The following CHMP5 variants were observed in gnomAD, a reference collection of about 807,000 sequenced individuals.
CHMP5 encodes charged multivesicular body protein 5, also known as SNF7 domain containing 2.
CHMP5 carries 17 observed loss-of-function variants against 33.0 expected under a neutral mutation model. The ratio of observed to expected loss-of-function variants is 0.52; its 90% CI spans 0.35 to 0.77. The LOEUF (loss-of-function observed/expected upper bound fraction) is 0.77. Ranked by LOEUF, CHMP5 falls within the 30% of genes least tolerant of loss-of-function variation. CHMP5 has a pLI of 0.01. For synonymous variants in CHMP5, 76 were observed against 90.2 expected, an observed-to-expected ratio of 0.84 and a Z score of 0.89; for missense variants, 216 against 261.5, an observed-to-expected ratio of 0.83 and a Z score of 1.20.
intron 5 of CHMP5, among the ~76,000 whole-genome samples, chr9:33,275,870 C>T (rs927273078): frequency 3.9e-5 from 6 of 152,184 alleles, no homozygotes; most frequent in East Asian, 3.9e-4. Flanking sequence ...ATTAGCTAGG[C>T]GTGGTGGTGC....
At chr9:33,268,267 A>C (rs1215174686) in intron 3 of CHMP5, among the ~76,000 whole-genome samples, 2 of 152,232 alleles carry the variant, frequency 1.3e-5, no homozygotes, top group Non-Finnish European at 2.9e-5. Context: ...GACTGACCAG[A>C]TCTGTAGGGT....
intron 1 of CHMP5, among the ~76,000 whole-genome samples, chr9:33,265,454 C>T (rs142016213): frequency 1.3e-5 from 2 of 152,284 alleles, no homozygotes; most frequent in Non-Finnish European, 2.9e-5. Flanking sequence ...GGCCCATACA[C>T]CCTTCCCACC....
chr9:33,277,892 A>G (rs1820874361), intron 6 of CHMP5: 1 of 406,510 alleles, frequency 2.5e-6, no homozygotes, highest in Non-Finnish European at 4.5e-6. Context: ...ATTGCCCCTG[A>G]TAAGTCTCTA....
At chr9:33,268,021 A>G (rs1820747916) in intron 3 of CHMP5, 122 bp downstream of exon 3, 1 of 705,442 alleles carries the variant, frequency 1.4e-6, no homozygotes, top group East Asian at 2.7e-5. Flanking sequence ...ATTTTCATTG[A>G]CGTGTAATTA....
At chr9:33,278,343 C>T in intron 7 of CHMP5, 118 bp downstream of exon 7, 1 of 656,520 alleles carries the variant, frequency 1.5e-6, no homozygotes, top group South Asian at 1.9e-5. Flanking sequence ...CAGTCCTGGT[C>T]ATTATTTTGT....
intron 4 of CHMP5, 148 bp from the exon 5 acceptor site, chr9:33,271,004 C>A: frequency 1.5e-6 from 1 of 659,328 alleles, no homozygotes; most frequent in Non-Finnish European, 2.6e-6. Flanking sequence ...ATCACTTGAA[C>A]CCAGGAGGCG....
intron 3 of CHMP5, 107 bp downstream of exon 3, chr9:33,268,006 T>C (rs1276423523): frequency 7.8e-6 from 6 of 772,324 alleles, no homozygotes; most frequent in East Asian, 5.2e-5. Flanking sequence ...TTGATTTAAT[T>C]ACAAATTTTC....
chr9:33,269,974 C>CA lies in CHMP5; in HGVS notation c.222-640dup, dbSNP rs1287929290. 1.7e-4 allele frequency among the ~76,000 whole-genome samples: 25 copies of CA among 149,830 alleles called. 1 individual carries two copies. The South Asian group carries it at 2.7e-3, about 16-fold the overall frequency. Reference sequence around the variant, plus strand: ...GGGCAACAAAAGTGAAACTCTGTCTCAAAAAAAAAGATATGCAGCAACACA... The same window carrying CA: ...GGGCAACAAAAGTGAAACTCTGTCTCAAAAAAAAAAGATATGCAGCAACACA... On this transcript the variant is annotated intron_variant, in intron 3 of 7. Transcript: ENST00000223500.
chr9:33,272,256 ATG>A (rs1365125119), intron 5 of CHMP5, among the ~76,000 whole-genome samples: 1 of 152,048 alleles, frequency 6.6e-6, no homozygotes, highest in Non-Finnish European at 1.5e-5. Flanking sequence ...CCTGACTAGA[ATG>A]TCCATTTCCT....
At chr9:33,276,164 T>G (rs1820851706) in intron 5 of CHMP5, among the ~76,000 whole-genome samples, 1 of 152,218 alleles carries the variant, frequency 6.6e-6, no homozygotes, top group South Asian at 2.1e-4. Flanking sequence ...GGTTTTTAAT[T>G]CTTTAAGCAT....
At position 33,280,925 on chromosome 9, in the gene CHMP5, T is replaced by C; in HGVS notation, c.*66T>C. ...TTATGGGACTAGGAAATATTTATCT[T>C]TCCAAATTTGCCATAACAGATTTAG... On this transcript the variant is annotated 3_prime_UTR_variant, in exon 8 of 8. Coordinates refer to ENST00000223500, the MANE Select transcript of CHMP5 (RefSeq NM_016410.6). The C allele has an allele frequency of 7.3e-7, 1 of 1,366,124 alleles. No individual in the cohort carries two copies. The highest frequency in any genetic ancestry group is 1.0e-6 in the Non-Finnish European group (1 of 989,414). The allele number at this position is 1,366,124 out of a possible 1,614,324, so 84.6% of individuals were successfully genotyped here.
chr9:33,267,416 T>TA (rs923932859), intron 2 of CHMP5, among the ~76,000 whole-genome samples: 3 of 152,162 alleles, frequency 2.0e-5, no homozygotes, highest in Non-Finnish European at 2.9e-5. Flanking sequence ...ATAAGGTTGA[T>TA]AAAAAGGTTT....
chr9:33,274,797 G>A (rs1388573846), intron 5 of CHMP5, among the ~76,000 whole-genome samples: 3 of 152,092 alleles, frequency 2.0e-5, no homozygotes, highest in Non-Finnish European at 4.4e-5. Context: ...TTGTATTTTA[G>A]TAGAGATGGG....
At chr9:33,273,955 CAG>C (rs931902197) in intron 5 of CHMP5, among the ~76,000 whole-genome samples, 2 of 151,922 alleles carry the variant, frequency 1.3e-5, no homozygotes, top group African/African-American at 4.8e-5. Flanking sequence ...CTCTGTGTAG[CAG>C]AGTGTTAAAT....
intron 1 of CHMP5, among the ~76,000 whole-genome samples, 155 bp downstream of exon 1, chr9:33,265,302 G>A (rs1251089002): frequency 6.8e-6 from 1 of 146,348 alleles, no homozygotes; most frequent in Non-Finnish European, 1.5e-5. Flanking sequence ...CTTCATCCCT[G>A]TTACCCAAGT....
chr9:33,277,074 C>T lies in CHMP5; in HGVS notation c.496+510C>T, dbSNP rs184008543. 1.1e-4 allele frequency among the ~76,000 whole-genome samples: 16 copies of T among 150,794 alleles called. No homozygotes were observed. In the East Asian group the frequency reaches 2.4e-3, roughly 22 times the overall value. ...ACCCAGGCATGGTGGTGTGCGCCTG[C>T]GGTCCTAGCTACTCGGGAGGCTGAG... On this transcript the variant is annotated intron_variant, in intron 6 of 7. Coordinates refer to ENST00000223500, the MANE Select transcript of CHMP5 (RefSeq NM_016410.6).
intron 5 of CHMP5, 53 bp downstream of exon 5, chr9:33,271,276 C>A: frequency 7.1e-7 from 1 of 1,405,180 alleles, no homozygotes; most frequent in Non-Finnish European, 1.0e-6. Flanking sequence ...TGAGAGAATC[C>A]AAACGAGTGT....
chr9:33,274,317 G>T (rs757549891), intron 5 of CHMP5, among the ~76,000 whole-genome samples: 1 of 152,034 alleles, frequency 6.6e-6, no homozygotes, highest in Non-Finnish European at 1.5e-5. Flanking sequence ...CAAGTGATCC[G>T]CCCTCTTTTG....
At chr9:33,274,685 G>A (rs1296459116) in intron 5 of CHMP5, among the ~76,000 whole-genome samples, 1 of 152,056 alleles carries the variant, frequency 6.6e-6, no homozygotes, top group Non-Finnish European at 1.5e-5. Context: ...GCGCGATCTC[G>A]GCTCACTGCA....
Sources: gnomAD v4.1 joint callset for allele counts (sites outside exome capture counted in the v4.1 genomes callset) on GRCh38, gnomAD v4.1.1 for gene constraint, MANE v1.5 for transcripts, NCBI Gene and HGNC (gene_info 2026-07-23, HGNC 2026-07-21) for gene names.